ARHGAP32: variants seen among roughly 807,000 people sequenced by gnomAD.
The protein encoded by ARHGAP32 is Rho GTPase activating protein 32, also known as rho GTPase-activating protein 32.
In ARHGAP32, 51 loss-of-function variants were observed where a neutral mutation model predicts 186.5. That is an observed-to-expected ratio of 0.27 (90% CI 0.22 to 0.35). ARHGAP32 has a LOEUF of 0.35. Among genes scored for constraint, ARHGAP32 ranks in the 10% least tolerant of loss-of-function variants. ARHGAP32 has a pLI of 1.00. For missense variants in ARHGAP32, 2,186 were observed against 2,623.5 expected, an observed-to-expected ratio of 0.83 and a Z score of 3.64; for synonymous variants, 950 against 964.3, an observed-to-expected ratio of 0.99 and a Z score of 0.27.
intron 2 of ARHGAP32, among the ~76,000 whole-genome samples, chr11:129,162,413 C>T (rs1011610513): frequency 4.6e-5 from 7 of 152,122 alleles, no homozygotes; most frequent in Non-Finnish European, 8.8e-5. Context: ...TTTTCCTTGA[C>T]TCTTGGTAAG....
chr11:129,215,819 T>G (rs1944637447), intron 1 of ARHGAP32, among the ~76,000 whole-genome samples: 1 of 152,180 alleles, frequency 6.6e-6, no homozygotes, highest in Admixed American at 6.5e-5. Flanking sequence ...AATACCTCCA[T>G]GTCCTAATCC....
At chr11:128,974,046 T>C in intron 21 of ARHGAP32, 78 bp downstream of exon 21, 5 of 1,516,856 alleles carry the variant, frequency 3.3e-6, no homozygotes, top group Non-Finnish European at 4.5e-6. Context: ...CAAATTTCTC[T>C]CTTAAAAGGC....
At chr11:129,222,281 T>C (rs557598654) in intron 1 of ARHGAP32, among the ~76,000 whole-genome samples, 9 of 152,284 alleles carry the variant, frequency 5.9e-5, no homozygotes, top group African/African-American at 2.2e-4. Context: ...AGCAAGTATA[T>C]GAAAGCTGGT....
intron 1 of ARHGAP32, among the ~76,000 whole-genome samples, chr11:129,197,929 T>C (rs1297746834): frequency 1.3e-5 from 2 of 152,316 alleles, no homozygotes; most frequent in South Asian, 2.1e-4. Context: ...TTCACAATGG[T>C]ATCTAAAGAG....
chr11:129,068,680 G>C (rs1940775722), intron 6 of ARHGAP32, among the ~76,000 whole-genome samples: 2 of 151,890 alleles, frequency 1.3e-5, no homozygotes, highest in Admixed American at 6.6e-5. Context: ...TTGTTATTAA[G>C]ATTTCTTTTT....
In ARHGAP32 at chr11:128,969,222, T is replaced by C. The variant is rs1449109599; in HGVS notation, c.5991A>G (p.Pro1997=). The change falls in exon 23 of 23, where the codon CCA becomes CCG. Residue 1997 remains proline, a synonymous_variant. Transcript: ENST00000682385. This position sits in a 1 kb window ranked among gnomAD's most constrained non-coding sequence, Gnocchi z 4.8. ...LTQSIVPPPK[P]ERSHSLKLHH... Reference sequence around the variant, plus strand: ...GGAGTTTGAGGCTATGACTCCTCTCTGGTTTAGGGGGTGGGACGATTGACT... The same window carrying C: ...GGAGTTTGAGGCTATGACTCCTCTCCGGTTTAGGGGGTGGGACGATTGACT... The C allele has an allele frequency of 1.2e-6, 2 of 1,614,030 alleles. No individual in the cohort carries two copies. The highest frequency in any genetic ancestry group is 1.7e-6 in the Non-Finnish European group (2 of 1,179,950).
At chr11:129,180,729 T>C (rs915767216) in intron 1 of ARHGAP32, among the ~76,000 whole-genome samples, 2 of 152,236 alleles carry the variant, frequency 1.3e-5, no homozygotes, top group African/African-American at 4.8e-5. Context: ...CTGCCAACCA[T>C]AATACCTAAG....
At chr11:129,088,323 TG>T (rs2135251248) in intron 6 of ARHGAP32, among the ~76,000 whole-genome samples, 1 of 152,378 alleles carries the variant, frequency 6.6e-6, no homozygotes, top group East Asian at 1.9e-4. Context: ...GGCTTACACC[TG>T]TAATCCCAGC....
chr11:129,218,700 C>G (rs1309888226), intron 1 of ARHGAP32, among the ~76,000 whole-genome samples: 5 of 152,006 alleles, frequency 3.3e-5, no homozygotes, highest in African/African-American at 9.7e-5. Flanking sequence ...AAGCGTCTGA[C>G]GCACTGGAGA....
intron 6 of ARHGAP32, among the ~76,000 whole-genome samples, chr11:129,075,157 T>C (rs1361456490): frequency 6.6e-6 from 1 of 152,170 alleles, no homozygotes; most frequent in Non-Finnish European, 1.5e-5. Flanking sequence ...TTAATCCAAC[T>C]ACATCAATAA....
chr11:129,271,585 G>GA (rs770998500), intron 1 of ARHGAP32, among the ~76,000 whole-genome samples: 1 of 152,030 alleles, frequency 6.6e-6, no homozygotes, highest in African/African-American at 2.4e-5. Context: ...GCGCAAGGGG[G>GA]AAAAAAGTCA....
intron 11 of ARHGAP32, 86 bp from the exon 12 acceptor site, chr11:128,998,554 T>G: frequency 3.0e-6 from 3 of 995,214 alleles, no homozygotes; most frequent in Non-Finnish European, 4.2e-6. Flanking sequence ...CTCAAGAGGC[T>G]GACAGCAAAA....
intron 1 of ARHGAP32, among the ~76,000 whole-genome samples, chr11:129,266,517 T>A (rs751214353): frequency 1.3e-5 from 2 of 152,146 alleles, no homozygotes; most frequent in African/African-American, 2.4e-5. Flanking sequence ...AATCAGTATT[T>A]CTGGCCCATC....
At chr11:129,192,626 T>C (rs908836254), upstream of ARHGAP32, among the ~76,000 whole-genome samples, 5 of 152,152 alleles carry the variant, frequency 3.3e-5, no homozygotes, top group Non-Finnish European at 5.9e-5. Context: ...AATAACACCA[T>C]CCACTGGCCA....
At chr11:128,980,906 A>C (rs1210898902) in intron 17 of ARHGAP32, among the ~76,000 whole-genome samples, 158 bp from the exon 18 acceptor site, 1 of 152,236 alleles carries the variant, frequency 6.6e-6, no homozygotes, top group African/African-American at 2.4e-5. Context: ...TAAATGAAAA[A>C]CTGAAGGGGA....
rs1224829542 is a variant in ARHGAP32, at chr11:129,063,949, C to G, written c.838G>C (p.Val280Leu). Reference protein sequence around the residue: ...INTPAVGAAHVIKRYTARAPD... With the variant: ...INTPAVGAAHLIKRYTARAPD... ...GCCCGAGCAGTGTACCTCTTGATAA[C>G]ATGGGCAGCACCGACAGCAGGAGTG... The change falls in exon 9 of 23, where the codon GTT (valine) becomes CTT (leucine). Residue 280 changes from valine to leucine, a missense_variant. This residue lies in a region of ARHGAP32 where 308 missense variants were observed against 596.5 expected (regional missense o/e 0.52). Coordinates refer to ENST00000682385, the MANE Select transcript of ARHGAP32 (RefSeq NM_001378024.1). 6.2e-7 allele frequency: 1 copy of G among 1,612,778 alleles called. No individual in the cohort carries two copies. The highest frequency in any genetic ancestry group is 8.5e-7 in the Non-Finnish European group (1 of 1,179,348).
intron 6 of ARHGAP32, among the ~76,000 whole-genome samples, chr11:129,073,688 C>G (rs1337266068): frequency 1.3e-5 from 2 of 150,834 alleles, no homozygotes; most frequent in East Asian, 3.9e-4. Context: ...ATGACCGAGA[C>G]ACCAAATCAC....
intron 1 of ARHGAP32, among the ~76,000 whole-genome samples, chr11:129,170,188 A>G (rs1192780465): frequency 3.4e-5 from 5 of 146,260 alleles, no homozygotes; most frequent in Non-Finnish European, 7.5e-5. Context: ...TATATATATA[A>G]TTTCTTTCTT....
At chr11:129,098,194 C>T (rs1382943789) in intron 5 of ARHGAP32, among the ~76,000 whole-genome samples, 2 of 152,068 alleles carry the variant, frequency 1.3e-5, no homozygotes, top group Non-Finnish European at 2.9e-5. Flanking sequence ...CAAGGGATAC[C>T]TGCAGGGTAA....
Sources: allele counts gnomAD v4.1 joint callset (sites outside exome capture counted in the v4.1 genomes callset), GRCh38; gene constraint gnomAD v4.1.1; regional missense constraint gnomAD v4.1.1; non-coding constraint Gnocchi (gnomAD v3.1); transcripts MANE v1.5; gene names NCBI Gene and HGNC (gene_info 2026-07-23, HGNC 2026-07-21).